Variants in ENO3 observed in about 807,000 individuals in gnomAD.
ENO3 encodes the protein enolase 3.
ENO3 carries 46 observed loss-of-function variants against 47.7 expected under a neutral mutation model. The observed-to-expected ratio is 0.96, with a 90% CI of 0.76 to 1.23. The LOEUF (loss-of-function observed/expected upper bound fraction) is 1.23, where lower values mean the gene tolerates loss of function less well. ENO3 is among the 50% of genes most tolerant of loss of function. ENO3 has a pLI of 0.00. For synonymous variants in ENO3, 223 were observed against 225.9 expected, an observed-to-expected ratio of 0.99 and a Z score of 0.11; for missense variants, 575 against 566.2, an observed-to-expected ratio of 1.02 and a Z score of -0.16.
At position 4,956,130 on chromosome 17, in the gene ENO3, G is replaced by C; in HGVS notation, c.1054G>C (p.Glu352Gln). ...GGTCAACCAGATCGGCTCGGTGACC[G>C]AATCGATCCAGGCGTGAGTGCCTCC... is the stretch of plus-strand genomic sequence containing the variant. ...LKVNQIGSVT[E>Q]SIQACKLAQS... is the part of the protein sequence containing the mutation. Residue 352 changes from glutamate (E) to glutamine (Q), a missense_variant, in exon 9 of 12, where the codon GAA (glutamate) becomes CAA (glutamine). By Grantham distance (29) the Glu-to-Gln change is conservative. Transcript: ENST00000519602. 1 of 1,613,844 alleles carries C rather than the reference G, an allele frequency of 6.2e-7. No individual in the cohort carries two copies. Among genetic ancestry groups the C allele is most frequent in the Non-Finnish European group, 8.5e-7 (1 of 1,179,942 alleles).
chr17:4,953,740 C>A lies in ENO3; in HGVS notation c.339C>A (p.Gly113=). The change falls in exon 6 of 12, where the codon GGC becomes GGA. Residue 113 remains glycine, a synonymous_variant. Coordinates refer to ENST00000519602, the MANE Select transcript of ENO3 (RefSeq NM_053013.4). ...KSKFGANAIL[G]VSLAVCKAGA... is the part of the protein sequence containing the mutation. The stretch of plus-strand genomic sequence containing the variant: ...AGTTTGGGGCCAATGCCATCCTGGG[C>A]GTGTCCTTGGCCGTGTGTAAGGCGG... The A allele has an allele frequency of 1.2e-6, 2 of 1,614,240 alleles. No homozygotes were observed. The highest frequency in any genetic ancestry group is 1.7e-6 in the Non-Finnish European group (2 of 1,180,042).
At position 4,953,836 on chromosome 17, in the gene ENO3, C is replaced by G; in HGVS notation, c.435C>G (p.Leu145=). The change falls in exon 6 of 12, where the codon CTC becomes CTG. Residue 145 remains leucine, a synonymous_variant. Coordinates refer to ENST00000519602, the MANE Select transcript of ENO3 (RefSeq NM_053013.4). ...TCGCTGGGAACCCTGACCTCATACT[C>G]CCAGTGCCAGTGAGTGCAGCTACCC... ...ADLAGNPDLI[L]PVPAFNVING... is the part of the protein sequence containing the mutation. 6.2e-7 allele frequency: 1 copy of G among 1,614,182 alleles called. No individual in the cohort carries two copies. Among genetic ancestry groups the G allele is most frequent in the Non-Finnish European group, 8.5e-7 (1 of 1,180,036 alleles).
rs752180575 is a variant in ENO3, at chr17:4,955,177, C to T, written c.547C>T (p.Arg183Cys). 7.4e-6 allele frequency: 12 copies of T among 1,614,240 alleles called. No homozygotes were observed. The highest frequency in any genetic ancestry group is 5.5e-5 in the South Asian group (5 of 91,092). ...VGASSFKEAMRIGAEVYHHLK... is the reference protein window; with the variant it reads ...VGASSFKEAMCIGAEVYHHLK... ...AGCCAGCTCCTTCAAGGAAGCCATG[C>T]GCATTGGCGCCGAGGTCTACCACCA... Residue 183 changes from arginine (R) to cysteine (C), a missense_variant, in exon 7 of 12, where the codon CGC becomes TGC. Arg to Cys is a radical substitution (Grantham distance 180). Coordinates refer to ENST00000519602, the MANE Select transcript of ENO3 (RefSeq NM_053013.4).
intron 7 of ENO3, 30 bp downstream of exon 7, chr17:4,955,327 C>T: frequency 6.2e-7 from 1 of 1,614,136 alleles, no homozygotes; most frequent in Non-Finnish European, 8.5e-7. Flanking sequence ...GGGGGCAGAC[C>T]CCCTGGATCT....
intron 1 of ENO3, 148 bp downstream of exon 1, chr17:4,951,330 C>T: frequency 1.0e-6 from 1 of 970,580 alleles, no homozygotes; most frequent in Non-Finnish European, 1.2e-6. Context: ...CTGGAGCAAG[C>T]AGATGGGACA....
intron 2 of ENO3, 92 bp from the exon 3 acceptor site, chr17:4,952,703 C>G (rs1281542476): frequency 1.5e-5 from 19 of 1,256,582 alleles, no homozygotes; most frequent in Non-Finnish European, 2.1e-5. Context: ...CTCAAGTGAT[C>G]CACCTGCCTA....
At position 4,956,817 on chromosome 17, in the gene ENO3, T is replaced by C; in HGVS notation, c.1177-14T>C. ...AGCCTCACCTAACCCTCCAAATTCT[T>C]CTTCCCTCATCAGATCAAGACTGGC... is the stretch of plus-strand genomic sequence containing the variant. On this transcript the variant is annotated splice_polypyrimidine_tract_variant and intron_variant, in intron 10 of 11. Coordinates refer to ENST00000519602, the MANE Select transcript of ENO3 (RefSeq NM_053013.4). 1 of 1,614,168 alleles carries C rather than the reference T, an allele frequency of 6.2e-7. No homozygotes were observed. The highest frequency in any genetic ancestry group is 8.5e-7 in the Non-Finnish European group (1 of 1,180,036).
Position 4,953,106 on chromosome 17 carries a change from A to C in ENO3, c.237A>C (p.Gln79His), listed in dbSNP as rs970683373. ...ATACTCTGGGCCCTGCTCTGCTGCA[A>C]AAGGCAAGTGGGGAAGCCCGCTCGC... is the stretch of plus-strand genomic sequence containing the variant. ...INNTLGPALL[Q>H]KKLSVVDQEK... The change falls in exon 4 of 12, where the codon CAA (glutamine) becomes CAC (histidine). Residue 79 changes from glutamine to histidine, a missense_variant. Coordinates refer to ENST00000519602, the MANE Select transcript of ENO3 (RefSeq NM_053013.4). 6 of 1,613,970 alleles carry C rather than the reference A, an allele frequency of 3.7e-6. No homozygotes were observed. The Admixed American group carries it at 6.7e-5, about 18-fold the overall frequency.
upstream of ENO3, chr17:4,950,663 C>G (rs1008935174): frequency 6.1e-6 from 6 of 985,022 alleles, no homozygotes; most frequent in Non-Finnish European, 7.2e-6. Flanking sequence ...GGTGGGGGGT[C>G]CCGTCCTTTC....
intron 9 of ENO3, 148 bp downstream of exon 9, chr17:4,956,291 C>T (rs1471790056): frequency 9.6e-7 from 1 of 1,038,584 alleles, no homozygotes; most frequent in African/African-American, 1.6e-5. Context: ...CTTTGTTTGA[C>T]TAATCCTTGG....
rs1971747777 is a variant in ENO3, at chr17:4,956,690, A to G, written c.1176+9A>G. The G allele has an allele frequency of 6.2e-7, 1 of 1,614,006 alleles. No homozygotes were observed. Among genetic ancestry groups the G allele is most frequent in the Non-Finnish European group, 8.5e-7 (1 of 1,180,014 alleles). On this transcript the variant is annotated intron_variant, in intron 10 of 11. Coordinates refer to ENST00000519602, the MANE Select transcript of ENO3 (RefSeq NM_053013.4). Reference sequence around the variant, plus strand: ...GGCTCTGCACAGGACAGGTACTTGTAGCTTCTCTCTACTGAGTGTCTCACC... The same window carrying G: ...GGCTCTGCACAGGACAGGTACTTGTGGCTTCTCTCTACTGAGTGTCTCACC...
At chr17:4,950,656 G>T, upstream of ENO3, 1 of 985,464 alleles carries the variant, frequency 1.0e-6, no homozygotes, top group Non-Finnish European at 1.2e-6. Flanking sequence ...CTTCTGGGGT[G>T]GGGGGTCCCG....
upstream of ENO3, chr17:4,950,170 C>T (rs1012432472): frequency 6.6e-6 from 1 of 152,132 alleles, no homozygotes; most frequent in Non-Finnish European, 1.5e-5. Flanking sequence ...GCCGAGGCGC[C>T]GTGTGTCCCC....
upstream of ENO3, chr17:4,949,146 T>C (rs1045619103): frequency 3.3e-5 from 5 of 152,242 alleles, no homozygotes; most frequent in Non-Finnish European, 7.3e-5. Context: ...GGCGAAGCCG[T>C]GCGCGCTGCC....
At chr17:4,950,163 G>C (rs1971498903), upstream of ENO3, 1 of 152,192 alleles carries the variant, frequency 6.6e-6, no homozygotes, top group African/African-American at 2.4e-5. Context: ...GAGTCGGGCC[G>C]AGGCGCCGTG....
chr17:4,954,107 G>T (rs558860401), intron 6 of ENO3: 2 of 576,932 alleles, frequency 3.5e-6, no homozygotes, highest in East Asian at 3.0e-5. Flanking sequence ...CTCCAGCCTC[G>T]TTCCAACCCC....
chr17:4,949,484 G>A (rs1229612938), upstream of ENO3, among the ~76,000 whole-genome samples: 1 of 152,218 alleles, frequency 6.6e-6, no homozygotes, highest in Non-Finnish European at 1.5e-5. Context: ...TTAACAGGCG[G>A]GGCTATTTTT....
rs1971698537 is a variant in ENO3, at chr17:4,955,577, T to TCTTATAC, written c.838_839insCTTATAC (p.Tyr280SerfsTer4). The stretch of plus-strand genomic sequence containing the variant: ...CACTGGGGAGAAGCTCGGAGAGCTG[T>TCTTATAC]ATAAGAGCTTTATCAAGAACTATCC... On this transcript the variant is annotated frameshift_variant, in exon 8 of 12. Transcript: ENST00000519602. LOFTEE classifies it high-confidence loss of function. The TCTTATAC allele has an allele frequency of 1.2e-6, 2 of 1,614,230 alleles. No homozygotes were observed. The highest frequency in any genetic ancestry group is 4.5e-5 in the East Asian group (2 of 44,884).
At chr17:4,952,120 C>G (rs1048247665) in intron 2 of ENO3, 1 of 679,494 alleles carries the variant, frequency 1.5e-6, no homozygotes, top group African/African-American at 1.8e-5. Flanking sequence ...TCCCTGAGCT[C>G]AGAGAGGACA....
Sources: allele counts gnomAD v4.1 joint callset (sites outside exome capture counted in the v4.1 genomes callset), GRCh38; gene constraint gnomAD v4.1.1; transcripts MANE v1.5; gene names NCBI Gene and HGNC (gene_info 2026-07-23, HGNC 2026-07-21).